TVP23C: variants seen among roughly 807,000 people sequenced by gnomAD.
TVP23C encodes trans-golgi network vesicle protein 23 homolog C, also known as Golgi apparatus membrane protein TVP23 homolog C.
TVP23C carries 19 observed loss-of-function variants against 28.7 expected under a neutral mutation model. The ratio of observed to expected loss-of-function variants is 0.66; its 90% confidence interval spans 0.46 to 0.97. The LOEUF is 0.97. Among genes scored for constraint, TVP23C ranks in the 50% least tolerant of loss-of-function variants. The probability of loss-of-function intolerance (pLI) is 0.00; values close to 1 mark genes in which losing one functional copy is unlikely to be tolerated. For synonymous variants in TVP23C, 68 were observed against 81.7 expected (o/e 0.83, Z 0.90); for missense variants, 186 against 241.3 (o/e 0.77, Z 1.52).
intron 3 of TVP23C, among the ~76,000 whole-genome samples, 172 bp downstream of exon 3, chr17:15,553,513 G>A: frequency 1.6e-5 from 2 of 125,306 alleles, no homozygotes; most frequent in African/African-American, 2.9e-5. Flanking sequence ...ATTGTCAAAG[G>A]GAAAAAATGA....
At chr17:15,548,184 G>A (rs1010911760) in intron 3 of TVP23C, among the ~76,000 whole-genome samples, 7 of 151,580 alleles carry the variant, frequency 4.6e-5, no homozygotes, top group African/African-American at 1.7e-4. Context: ...TTTTGTTTTT[G>A]AGACAGAGTT....
In TVP23C at chr17:15,538,868, A is replaced by G; in HGVS notation, c.*1544T>C. 1 of 985,900 alleles carries G rather than the reference A, an allele frequency of 1.0e-6. No homozygotes were observed. The highest frequency in any genetic ancestry group is 1.2e-6 in the Non-Finnish European group (1 of 829,944). The allele number at this position is 985,900 out of a possible 1,614,324, so 61.1% of individuals were successfully genotyped here. On this transcript the variant is annotated 3_prime_UTR_variant, in exon 6 of 6. Coordinates refer to ENST00000518321, the MANE Select transcript of TVP23C (RefSeq NM_001135036.2). ...GTGGACCACAGTAAAGGTATATTGG[A>G]GCCATGCAAAAATCCTTCAGAATGA... is the stretch of plus-strand genomic sequence containing the variant.
chr17:15,524,745 C>A (rs1982650696), intron 5 of TVP23C, among the ~76,000 whole-genome samples: 2 of 152,136 alleles, frequency 1.3e-5, no homozygotes, highest in Non-Finnish European at 2.9e-5. Flanking sequence ...CACAGATCCA[C>A]AGTGAAACAC....
intron 5 of TVP23C, among the ~76,000 whole-genome samples, chr17:15,512,211 G>A (rs1361258576): frequency 6.6e-6 from 1 of 152,212 alleles, no homozygotes; most frequent in Non-Finnish European, 1.5e-5. Flanking sequence ...TTGGGATGTG[G>A]GTTGCTCTGA....
In TVP23C at chr17:15,539,196, G is replaced by A. The variant is rs76485891; in HGVS notation, c.*1216C>T. The A allele has an allele frequency of 4.9e-3, 4,724 of 964,862 alleles. 173 individuals are homozygous for A. In the African/African-American group the frequency reaches 0.074, roughly 15 times the overall value. 59.8% of individuals were successfully genotyped at this position (964,862 alleles called of 1,614,324 possible). On this transcript the variant is annotated 3_prime_UTR_variant, in exon 6 of 6. Transcript: ENST00000518321. ...ATAAGGAGTCTGGAGGTGGAACCCA[G>A]CAATCTTGTGCCCTCTAGGTGATTC... is the stretch of plus-strand genomic sequence containing the variant.
chr17:15,506,226 T>C (rs1005232346), intron 5 of TVP23C, among the ~76,000 whole-genome samples: 1 of 151,752 alleles, frequency 6.6e-6, no homozygotes, highest in Admixed American at 6.6e-5. Flanking sequence ...CACCCTGTGT[T>C]TAGCTCAAGG....
chr17:15,512,270 C>T (rs1982032942), intron 5 of TVP23C, among the ~76,000 whole-genome samples: 1 of 152,130 alleles, frequency 6.6e-6, no homozygotes, highest in Non-Finnish European at 1.5e-5. Flanking sequence ...CACTGTAAGC[C>T]AGGATGACAG....
intron 5 of TVP23C, among the ~76,000 whole-genome samples, chr17:15,543,291 G>T (rs1016726129): frequency 6.7e-6 from 1 of 150,036 alleles, no homozygotes; most frequent in African/African-American, 2.5e-5. Flanking sequence ...GGATTCACCC[G>T]CACTAAACCA....
intron 5 of TVP23C, among the ~76,000 whole-genome samples, chr17:15,543,348 A>C (rs1437040198): frequency 2.6e-5 from 4 of 151,506 alleles, no homozygotes; most frequent in Non-Finnish European, 5.9e-5. Flanking sequence ...AGGATAAGCA[A>C]AATGGATAAG....
intron 5 of TVP23C, among the ~76,000 whole-genome samples, chr17:15,508,191 G>A (rs1222379074): frequency 1.3e-5 from 2 of 152,148 alleles, no homozygotes; most frequent in Non-Finnish European, 2.9e-5. Context: ...CTGGGTTGAA[G>A]GCATCTCTCA....
chr17:15,544,742 G>GAAGAACTGAAAA (rs1983568627), intron 5 of TVP23C, among the ~76,000 whole-genome samples: 3 of 152,126 alleles, frequency 2.0e-5, no homozygotes, highest in African/African-American at 7.2e-5. Flanking sequence ...AGTAATTAAA[G>GAAGAACTGAAAA]GTAACTACCA....
At chr17:15,507,224 G>A in intron 5 of TVP23C, 1 of 733,646 alleles carries the variant, frequency 1.4e-6, no homozygotes, top group South Asian at 1.4e-5. Flanking sequence ...CAGCGTGGTT[G>A]AATGGGAAGC....
At position 15,553,786 on chromosome 17, in the gene TVP23C, C is replaced by T. The variant is rs1287239707; in HGVS notation, c.139G>A (p.Ala47Thr). 1 of 1,613,764 alleles carries T rather than the reference C, an allele frequency of 6.2e-7. No homozygotes were observed. ...SFFHLFFRVS[A>T]IIVCLLCELL... ...TCACAGAGAAGACAGACGATGATTGCACTGACTCGAAAGAATAAGTGGAAA... is the reference window on the plus strand; with the variant it reads ...TCACAGAGAAGACAGACGATGATTGTACTGACTCGAAAGAATAAGTGGAAA... Residue 47 changes from alanine (A) to threonine (T), a missense_variant, in exon 3 of 6, where the codon GCA becomes ACA. Transcript: ENST00000518321.
intron 5 of TVP23C, among the ~76,000 whole-genome samples, chr17:15,510,878 ACT>A (rs1981970117): frequency 6.6e-6 from 1 of 151,826 alleles, no homozygotes; most frequent in South Asian, 2.1e-4. Context: ...ATATGGTGAA[ACT>A]CCATCTCTAC....
intron 5 of TVP23C, among the ~76,000 whole-genome samples, chr17:15,544,939 T>C (rs1286669309): frequency 6.6e-6 from 1 of 151,966 alleles, no homozygotes; most frequent in Non-Finnish European, 1.5e-5. Flanking sequence ...AAATATTGTG[T>C]GAAAATTCAC....
At chr17:15,531,427 G>A (rs1054768463) in intron 5 of TVP23C, among the ~76,000 whole-genome samples, 2 of 151,956 alleles carry the variant, frequency 1.3e-5, no homozygotes, top group Admixed American at 1.3e-4. Context: ...CTCCTTTAAT[G>A]CGTATGTTGG....
At chr17:15,506,047 C>G (rs529932931) in intron 5 of TVP23C, among the ~76,000 whole-genome samples, 1 of 152,360 alleles carries the variant, frequency 6.6e-6, no homozygotes, top group African/African-American at 2.4e-5. Context: ...CCAGTTCCAT[C>G]GACCACCCAA....
chr17:15,559,569 T>C (rs1363687535), intron 1 of TVP23C, among the ~76,000 whole-genome samples: 1 of 148,046 alleles, frequency 6.8e-6, no homozygotes, highest in Non-Finnish European at 1.5e-5. Context: ...GCTACTGTAG[T>C]AAAAATCTGG....
At chr17:15,525,755 G>T (rs1219996485) in intron 5 of TVP23C, among the ~76,000 whole-genome samples, 2 of 152,214 alleles carry the variant, frequency 1.3e-5, no homozygotes, top group Non-Finnish European at 2.9e-5. Flanking sequence ...CAAAGGTGGT[G>T]TCCTAAGGTG....
Sources: gnomAD v4.1 joint callset for allele counts (sites outside exome capture counted in the v4.1 genomes callset) on GRCh38, gnomAD v4.1.1 for gene constraint, MANE v1.5 for transcripts, NCBI Gene and HGNC (gene_info 2026-07-23, HGNC 2026-07-21) for gene names.